The following ZNF383 variants were observed in gnomAD, a reference collection of about 807,000 sequenced individuals.
ZNF383 encodes the protein zinc finger protein 383.
ZNF383 carries 32 observed loss-of-function variants against 44.2 expected under a neutral mutation model. That is an observed-to-expected ratio of 0.72 (90% confidence interval 0.55 to 0.97). The LOEUF (loss-of-function observed/expected upper bound fraction) is 0.97. ZNF383 is among the 50% of genes least tolerant of loss of function. The pLI is 0.00. For missense variants in ZNF383, 487 were observed against 562.5 expected, an observed-to-expected ratio of 0.87 and a Z score of 1.36; for synonymous variants, 155 against 186.2, an observed-to-expected ratio of 0.83 and a Z score of 1.36.
At position 37,248,601 on chromosome 19, in the gene ZNF383, A is replaced by G. The variant is rs1048737210; in HGVS notation, c.*4937A>G. 1.3e-5 allele frequency: 2 copies of G among 152,224 alleles called. No individual in the cohort carries two copies. The highest frequency in any genetic ancestry group is 3.8e-4 in the East Asian group (2 of 5,198). The allele number at this position is 152,224 out of a possible 1,614,324, so 9.4% of individuals were successfully genotyped here. A position where few individuals can be genotyped will look rare whatever the true frequency, so the allele number is the denominator to read the frequency against. ...TACAAGATAAGATAATTTACATGGG[A>G]TTGCAAAAGTTCAAATAACTAAAGT... On this transcript the variant is annotated 3_prime_UTR_variant, in exon 6 of 6. Transcript: ENST00000684119.
In ZNF383 at chr19:37,245,481, T is replaced by TG. The variant is rs902403047; in HGVS notation, c.*1817_*1818insG. 81 of 129,034 alleles carry TG rather than the reference T, an allele frequency of 6.3e-4. No individual in the cohort carries two copies. Among genetic ancestry groups the TG allele is most frequent in the Admixed American group, 5.6e-4 (7 of 12,558 alleles). 8.0% of individuals were successfully genotyped at this position (129,034 alleles called of 1,614,324 possible). On this transcript the variant is annotated 3_prime_UTR_variant, in exon 6 of 6. Transcript: ENST00000684119. Reference sequence around the variant, plus strand: ...GATATTAATTTTTTGTTTGTTTGTTTTTTTTTTTTTTTGAGATGGAGTTCA... The same window carrying TG: ...GATATTAATTTTTTGTTTGTTTGTTTGTTTTTTTTTTTTGAGATGGAGTTCA...
At chr19:37,221,175 C>T (rs1369776505) in intron 1 of ZNF383, among the ~76,000 whole-genome samples, 1 of 152,144 alleles carries the variant, frequency 6.6e-6, no homozygotes, top group Non-Finnish European at 1.5e-5. Flanking sequence ...AAATTCCTAC[C>T]GACAGCTTAT....
intron 1 of ZNF383, among the ~76,000 whole-genome samples, chr19:37,220,184 TTTTCACTAAAAA>T (rs1458445042): frequency 6.6e-6 from 1 of 152,252 alleles, no homozygotes; most frequent in African/African-American, 2.4e-5. Flanking sequence ...ATATCTTGTA[TTTTCACTAAAAA>T]TTATGTATGG....
At chr19:37,240,236 T>C (rs1469995214) in intron 5 of ZNF383, among the ~76,000 whole-genome samples, 1 of 152,182 alleles carries the variant, frequency 6.6e-6, no homozygotes. Flanking sequence ...TCCCTGTTCC[T>C]GTTTTGAGAT....
At chr19:37,231,098 A>T (rs866313531) in intron 3 of ZNF383, among the ~76,000 whole-genome samples, 52 of 152,356 alleles carry the variant, frequency 3.4e-4, no homozygotes, top group Middle Eastern at 3.4e-3. Context: ...GATAGTGATA[A>T]TGGATGTTTA....
chr19:37,235,558 A>T lies in ZNF383; in HGVS notation c.19A>T (p.Met7Leu), dbSNP rs1973747904. The T allele has an allele frequency of 6.2e-7, 1 of 1,613,932 alleles. No homozygotes were observed. Among genetic ancestry groups the T allele is most frequent in the South Asian group, 1.1e-5 (1 of 91,078 alleles). ...ATGTTTATTGTTTCAGGGATCAGTG[A>T]TGTTCAGTGATGTGTCCATAGACTT... MAEGSV[M>L]FSDVSIDFSQ... is the part of the protein sequence containing the mutation. Residue 7 changes from methionine to leucine, a missense_variant, in exon 4 of 6, where the codon ATG becomes TTG. Met to Leu is a conservative substitution (Grantham distance 15). Transcript: ENST00000684119.
chr19:37,235,684 A>G lies in ZNF383; in HGVS notation c.136+9A>G, dbSNP rs373482360. On this transcript the variant is annotated intron_variant, in intron 4 of 5. Transcript: ENST00000684119. ...CAATCTGGTTTCAATGGGTAAGGGC[A>G]TCTGTACCAGTGATTCCCAGTTCTC... The G allele has an allele frequency of 1.9e-6, 3 of 1,597,490 alleles. No homozygotes were observed. Among genetic ancestry groups the G allele is most frequent in the Non-Finnish European group, 2.6e-6 (3 of 1,172,362 alleles).
intron 5 of ZNF383, 67 bp downstream of exon 5, chr19:37,236,141 A>G: frequency 7.9e-7 from 1 of 1,258,996 alleles, no homozygotes; most frequent in South Asian, 1.4e-5. Flanking sequence ...CAGGGAGGAA[A>G]CAGCACCTTT....
chr19:37,221,232 C>G (rs1419582300), intron 1 of ZNF383, among the ~76,000 whole-genome samples: 1 of 152,124 alleles, frequency 6.6e-6, no homozygotes, highest in Non-Finnish European at 1.5e-5. Flanking sequence ...ATTTGGTATT[C>G]TAATCTTTAA....
chr19:37,219,250 C>A (rs1972807889), intron 1 of ZNF383: 1 of 152,722 alleles, frequency 6.5e-6, no homozygotes, highest in Non-Finnish European at 1.5e-5. Context: ...CTACACTTCT[C>A]TGTTTTTGTT....
At chr19:37,233,544 C>G (rs942067368) in intron 3 of ZNF383, among the ~76,000 whole-genome samples, 2 of 151,486 alleles carry the variant, frequency 1.3e-5, no homozygotes, top group South Asian at 4.2e-4. Context: ...ATTCTGCTGT[C>G]TCAGACTCCC....
rs117721781 is a variant in ZNF383 at position 37,221,097 on chromosome 19, C to T, written c.-168+2823C>T. On this transcript the variant is annotated intron_variant, in intron 1 of 5. Coordinates refer to ENST00000684119, the MANE Select transcript of ZNF383 (RefSeq NM_001387601.1). ...TGTATGAAGGAATTGCTGGGCCATA[C>T]AGTATGTTTTGCATCTTTAAATTTC... 6.3e-3 allele frequency among the ~76,000 whole-genome samples: 966 copies of T among 152,280 alleles called. 27 individuals are homozygous for T. Among genetic ancestry groups the T allele is most frequent in the East Asian group, 0.052 (270 of 5,182 alleles).
Position 37,243,215 on chromosome 19 carries a change from C to A in ZNF383, c.979C>A (p.Gln327Lys). 2 of 1,614,114 alleles carry A rather than the reference C, an allele frequency of 1.2e-6. No homozygotes were observed. The highest frequency in any genetic ancestry group is 1.1e-5 in the South Asian group (1 of 91,074). Reference sequence around the variant, plus strand: ...CTTTACCCAGAGCTCAAAGCTTGTTCAACATCAGAGAATTCATACTGGTGA... The same window carrying A: ...CTTTACCCAGAGCTCAAAGCTTGTTAAACATCAGAGAATTCATACTGGTGA... ...KAFTQSSKLV[Q>K]HQRIHTGEKP... The change falls in exon 6 of 6, where the codon CAA (glutamine) becomes AAA (lysine). Residue 327 changes from glutamine to lysine, a missense_variant. Transcript: ENST00000684119.
At position 37,243,830 on chromosome 19, in the gene ZNF383, C is replaced by T. The variant is rs550221808; in HGVS notation, c.*166C>T. ...GAGTCTAAAGTGACATTCCCTCTCT[C>T]CCCCAGTCATATACCGATGCCAGCT... On this transcript the variant is annotated 3_prime_UTR_variant, in exon 6 of 6. Coordinates refer to ENST00000684119, the MANE Select transcript of ZNF383 (RefSeq NM_001387601.1). The T allele has an allele frequency of 1.1e-3, 593 of 517,244 alleles. 2 individuals are homozygous for T. The highest frequency in any genetic ancestry group is 8.3e-3 in the Middle Eastern group (16 of 1,930). 32.0% of individuals were successfully genotyped at this position (517,244 alleles called of 1,614,324 possible).
At position 37,244,118 on chromosome 19, in the gene ZNF383, C is replaced by G. The variant is rs1424634357; in HGVS notation, c.*454C>G. On this transcript the variant is annotated 3_prime_UTR_variant, in exon 6 of 6. Coordinates refer to ENST00000684119, the MANE Select transcript of ZNF383 (RefSeq NM_001387601.1). ...ATGTTTTTTGAGACGGAGTTTCACT[C>G]TGTTGCCCAGGCTGGAGTGCAGTGG... The G allele has an allele frequency of 6.6e-6, 1 of 152,244 alleles. No homozygotes were observed. Among genetic ancestry groups the G allele is most frequent in the Non-Finnish European group, 1.5e-5 (1 of 68,128 alleles). The allele number at this position is 152,244 out of a possible 1,614,324, so 9.4% of individuals were successfully genotyped here.
intron 2 of ZNF383, among the ~76,000 whole-genome samples, chr19:37,225,531 A>G (rs187664818): frequency 1.3e-5 from 2 of 152,314 alleles, no homozygotes; most frequent in East Asian, 3.9e-4. Context: ...AGCCCCTGGC[A>G]GCCACTGTTC....
At chr19:37,235,514 A>G in intron 3 of ZNF383, 35 bp from the exon 4 acceptor site, 2 of 1,611,890 alleles carry the variant, frequency 1.2e-6, no homozygotes, top group South Asian at 2.2e-5. Context: ...ACATTTTTTT[A>G]ATTACACAAG....
intron 5 of ZNF383, among the ~76,000 whole-genome samples, chr19:37,237,791 C>G (rs1038809679): frequency 6.6e-6 from 1 of 151,904 alleles, no homozygotes; most frequent in South Asian, 2.1e-4. Flanking sequence ...GTAAGAGCAC[C>G]GAAACCCATC....
Position 37,235,984 on chromosome 19 carries a change from T to C in ZNF383, c.142T>C (p.Tyr48His), listed in dbSNP as rs1422489282. The part of the protein sequence containing the change: ...NYGNLVSMGL[Y>H]TPKPQVISLL... ...ATATCTTTTCTCGTGAGCAGGACTT[T>C]ACACTCCTAAGCCTCAAGTGATCTC... is the stretch of plus-strand genomic sequence containing the variant. The change falls in exon 5 of 6, where the codon TAC (tyrosine) becomes CAC (histidine). Residue 48 changes from tyrosine (Y) to histidine (H), a missense_variant. Coordinates refer to ENST00000684119, the MANE Select transcript of ZNF383 (RefSeq NM_001387601.1). The C allele has an allele frequency of 3.7e-6, 6 of 1,612,400 alleles. No individual in the cohort carries two copies. In the Admixed American group the frequency reaches 8.4e-5, roughly 23 times the overall value.
Sources: gnomAD v4.1 joint callset for allele counts (sites outside exome capture counted in the v4.1 genomes callset) on GRCh38, gnomAD v4.1.1 for gene constraint, MANE v1.5 for transcripts, NCBI Gene and HGNC (gene_info 2026-07-23, HGNC 2026-07-21) for gene names.